The following TEX11 variants were observed in gnomAD, a reference collection of about 807,000 sequenced individuals.
The protein encoded by TEX11 is testis-expressed protein 11.
A neutral mutation model predicts 84.4 loss-of-function variants in TEX11; 7 were observed. That is an observed-to-expected ratio of 0.08 (90% confidence interval 0.05 to 0.16). The LOEUF (loss-of-function observed/expected upper bound fraction) is 0.16, where lower values mean the gene tolerates loss of function less well. Among genes scored for constraint, TEX11 ranks in the 10% least tolerant of loss-of-function variants. TEX11 has a pLI of 1.00. For missense variants in TEX11, 551 were observed against 660.5 expected, an observed-to-expected ratio of 0.83 and a Z score of 1.82; for synonymous variants, 264 against 222.8, an observed-to-expected ratio of 1.18 and a Z score of -1.64.
At chrX:70,858,113 C>T (rs1214535723) in intron 5 of TEX11, among the ~76,000 whole-genome samples, 1 of 108,790 alleles carries the variant, frequency 9.2e-6, no homozygotes, top group African/African-American at 3.3e-5. Context: ...TTGTATACTG[C>T]TTGGGTGATG....
intron 17 of TEX11, among the ~76,000 whole-genome samples, chrX:70,643,218 A>T (rs1376862899): frequency 9.6e-6 from 1 of 104,250 alleles, no homozygotes; most frequent in African/African-American, 3.5e-5. Context: ...TACAAGGGAT[A>T]TGAAGGACCT....
intron 4 of TEX11, among the ~76,000 whole-genome samples, chrX:70,871,156 A>T (rs1349704087): frequency 3.6e-5 from 4 of 112,121 alleles, no homozygotes. Context: ...CAGGTGATCC[A>T]CTCACCTAGG....
At chrX:70,582,934 C>T (rs1438081665) in intron 25 of TEX11, among the ~76,000 whole-genome samples, 4 of 108,172 alleles carry the variant, frequency 3.7e-5, no homozygotes, top group Admixed American at 1.0e-4. Flanking sequence ...TTAGTAGATA[C>T]GGGGTTTCAC....
intron 28 of TEX11, among the ~76,000 whole-genome samples, chrX:70,544,902 TA>T (rs200000168): frequency 1.0e-3 from 105 of 105,308 alleles, no homozygotes; most frequent in Non-Finnish European, 1.7e-3. Flanking sequence ...CCTTTTTAAT[TA>T]AAAAAAAAAT....
intron 9 of TEX11, among the ~76,000 whole-genome samples, chrX:70,747,062 G>A (rs916460086): frequency 5.4e-5 from 6 of 111,737 alleles, no homozygotes; most frequent in Admixed American, 9.5e-5. Context: ...AAATCAAATC[G>A]ACCTCATACT....
intron 2 of TEX11, among the ~76,000 whole-genome samples, chrX:70,899,845 T>C (rs1216307000): frequency 9.8e-5 from 3 of 30,597 alleles, no homozygotes; most frequent in Admixed American, 5.2e-4. Context: ...GGTCCTGTAT[T>C]AAAAAAAAAA....
Position 70,651,340 on chromosome X carries a change from A to G in TEX11, c.1483+110T>C, listed in dbSNP as rs200884832. ...CCTTTACATAGGAAAGACAGAACAT[A>G]TATTCAATTCTATTGTCTTAAAAAC... On this transcript the variant is annotated intron_variant, in intron 17 of 29. Transcript: ENST00000374333. 3.9e-5 allele frequency: 18 copies of G among 456,439 alleles called. No individual in the cohort carries two copies. In the East Asian group the frequency reaches 7.3e-4, roughly 19 times the overall value. 37.6% of individuals were successfully genotyped at this position (456,439 alleles called of 1,213,427 possible).
chrX:70,657,474 G>T (rs374704976), intron 16 of TEX11, among the ~76,000 whole-genome samples: 56 of 108,288 alleles, frequency 5.2e-4, no homozygotes, highest in African/African-American at 1.8e-3. Context: ...AAAAGCAGCA[G>T]CAGCATCAGC....
intron 13 of TEX11, among the ~76,000 whole-genome samples, chrX:70,696,996 C>T (rs760723892): frequency 1.8e-5 from 2 of 111,217 alleles, no homozygotes; most frequent in Non-Finnish European, 3.8e-5. Context: ...GGGCTGAGGT[C>T]CCATTTCCTT....
intron 2 of TEX11, among the ~76,000 whole-genome samples, chrX:70,886,732 CT>C (rs1314806604): frequency 2.7e-5 from 3 of 111,685 alleles, no homozygotes; most frequent in Non-Finnish European, 3.8e-5. Flanking sequence ...TGGTACTATT[CT>C]TTCTTCCTTT....
intron 5 of TEX11, chrX:70,857,584 T>C (rs1242984630): frequency 2.2e-5 from 6 of 269,878 alleles, no homozygotes; most frequent in Non-Finnish European, 4.1e-5. Flanking sequence ...GTCATATATC[T>C]CAAAATGGTT....
At chrX:70,763,225 A>G (rs2086435181) in intron 9 of TEX11, among the ~76,000 whole-genome samples, 1 of 112,064 alleles carries the variant, frequency 8.9e-6, no homozygotes, top group Non-Finnish European at 1.9e-5. Flanking sequence ...ATGAGTGGAT[A>G]AAGAAAATGT....
At chrX:70,766,626 A>G (rs1380548796) in intron 9 of TEX11, among the ~76,000 whole-genome samples, 2 of 111,350 alleles carry the variant, frequency 1.8e-5, no homozygotes, top group Non-Finnish European at 3.8e-5. Flanking sequence ...GAAAAAAAAA[A>G]TCCTGAAATG....
intron 8 of TEX11, among the ~76,000 whole-genome samples, chrX:70,829,945 T>C (rs1227664034): frequency 9.1e-6 from 1 of 109,749 alleles, no homozygotes; most frequent in Non-Finnish European, 1.9e-5. Context: ...TATAATAGAA[T>C]AAAAAATAGA....
chrX:70,725,296 C>T lies in TEX11; in HGVS notation c.891G>A (p.Leu297=). The change falls in exon 12 of 30, where the codon TTG becomes TTA. Residue 297 remains leucine (L), a synonymous_variant. Coordinates refer to ENST00000374333, the MANE Select transcript of TEX11 (RefSeq NM_031276.3). ...GTTCTTCATTAGATGTTTCGCCTTT[C>T]AAGAGGATTTTCATTTTTAAGAAAA... ...PGLFLKMKIL[L]KGETSNEELL... The T allele has an allele frequency of 1.7e-6, 2 of 1,201,056 alleles. No individual in the cohort carries two copies. The highest frequency in any genetic ancestry group is 2.3e-6 in the Non-Finnish European group (2 of 888,343).
intron 25 of TEX11, among the ~76,000 whole-genome samples, chrX:70,570,771 T>C (rs2147461813): frequency 9.0e-6 from 1 of 111,507 alleles, no homozygotes; most frequent in African/African-American, 3.3e-5. Flanking sequence ...AAAGTAATTT[T>C]GGTAGCTGTA....
Position 70,554,775 on chromosome X carries a change from C to T in TEX11, c.2166G>A (p.Glu722=). ...QTGTFSNDSC[E]KLLLLYEFEV... ...CAAACTCGTACAGCAGAAGCAATTT[C>T]TCACATGAATCATTTGAGAAGGTCC... The change falls in exon 26 of 30, where the codon GAG becomes GAA. Residue 722 remains glutamate, a synonymous_variant. Transcript: ENST00000374333. 6 of 1,207,166 alleles carry T rather than the reference C, an allele frequency of 5.0e-6. No individual in the cohort carries two copies. Among genetic ancestry groups the T allele is most frequent in the Non-Finnish European group, 6.7e-6 (6 of 893,825 alleles).
intron 13 of TEX11, among the ~76,000 whole-genome samples, chrX:70,714,694 G>A (rs1014401511): frequency 2.7e-5 from 3 of 111,324 alleles, no homozygotes; most frequent in Admixed American, 9.6e-5. Flanking sequence ...GTCTCTGCAC[G>A]TGAGATGGGT....
At chrX:70,724,391 T>C (rs1232361933) in intron 12 of TEX11, 2 of 145,138 alleles carry the variant, frequency 1.4e-5, no homozygotes, top group Non-Finnish European at 2.4e-5. Flanking sequence ...TCAGTAGTAC[T>C]AAATTTAGGG....
Sources: gnomAD v4.1 joint callset for allele counts (sites outside exome capture counted in the v4.1 genomes callset) on GRCh38, gnomAD v4.1.1 for gene constraint, MANE v1.5 for transcripts, NCBI Gene and HGNC (gene_info 2026-07-23, HGNC 2026-07-21) for gene names.